The following SACM1L variants were observed in gnomAD, a reference collection of about 807,000 sequenced individuals.
SACM1L encodes the protein SAC1 like phosphatidylinositide phosphatase, also known as phosphatidylinositol-3-phosphatase SAC1.
A neutral mutation model predicts 89.5 loss-of-function variants in SACM1L; 32 were observed. That is an observed-to-expected ratio of 0.36 (90% CI 0.27 to 0.48). The LOEUF is 0.48. Ranked by LOEUF, SACM1L falls within the 20% of genes least tolerant of loss-of-function variation. SACM1L has a pLI of 0.99. For synonymous variants in SACM1L, 213 were observed against 232.8 expected (o/e 0.92, Z 0.77); for missense variants, 543 against 708.5 (o/e 0.77, Z 2.65).
In SACM1L at chr3:45,738,971, T is replaced by C. The variant is rs1411842495; in HGVS notation, c.1569+98T>C. 3 of 726,066 alleles carry C rather than the reference T, an allele frequency of 4.1e-6. No homozygotes were observed. In the South Asian group the frequency reaches 5.5e-5, roughly 13 times the overall value. 45.0% of individuals were successfully genotyped at this position (726,066 alleles called of 1,614,324 possible). A position where few individuals can be genotyped will look rare whatever the true frequency, so the allele number is the denominator to read the frequency against. On this transcript the variant is annotated intron_variant, in intron 18 of 19. Coordinates refer to ENST00000389061, the MANE Select transcript of SACM1L (RefSeq NM_014016.5). ...ATTTAAAACGTTATATGTGGTTTTA[T>C]ATTTCATTACATGAAATATAAATAC...
At chr3:45,701,109 C>G (rs1698256800) in intron 1 of SACM1L, among the ~76,000 whole-genome samples, 1 of 151,954 alleles carries the variant, frequency 6.6e-6, no homozygotes, top group Admixed American at 6.6e-5. Context: ...AGTGGAAAGA[C>G]TTTAAATTTT....
chr3:45,718,421 AC>A (rs1698715545), intron 7 of SACM1L, among the ~76,000 whole-genome samples: 1 of 152,190 alleles, frequency 6.6e-6, no homozygotes, highest in Non-Finnish European at 1.5e-5. Context: ...TAAGGGAGCC[AC>A]AGGGAAAGGT....
chr3:45,736,622 G>A (rs573200008), intron 14 of SACM1L, among the ~76,000 whole-genome samples: 2 of 152,308 alleles, frequency 1.3e-5, no homozygotes, highest in Middle Eastern at 6.8e-3. Flanking sequence ...TCTGTTGGAA[G>A]GTCTTCTAAG....
At chr3:45,707,107 TAAAGATTCAG>T in intron 4 of SACM1L, 200 bp downstream of exon 4, 1 of 419,422 alleles carries the variant, frequency 2.4e-6, no homozygotes, top group Non-Finnish European at 4.2e-6. Context: ...TTTTTTTTTT[TAAAGATTCAG>T]TTCTTAAATT....
At chr3:45,710,915 T>C (rs891890642) in intron 5 of SACM1L, among the ~76,000 whole-genome samples, 8 of 152,178 alleles carry the variant, frequency 5.3e-5, no homozygotes, top group African/African-American at 1.9e-4. Context: ...AAGCAGTTGC[T>C]ACATTCTCCA....
chr3:45,696,051 A>G (rs1330316370), intron 1 of SACM1L, among the ~76,000 whole-genome samples: 1 of 142,266 alleles, frequency 7.0e-6, no homozygotes, highest in Non-Finnish European at 1.5e-5. Context: ...ATGCTGGAGT[A>G]CAGTGGTGCG....
chr3:45,733,380 G>T (rs1344751593), intron 13 of SACM1L, among the ~76,000 whole-genome samples: 1 of 152,112 alleles, frequency 6.6e-6, no homozygotes, highest in African/African-American at 2.4e-5. Flanking sequence ...TCAGACTTCG[G>T]TTTCTTCATT....
In SACM1L at chr3:45,732,145, A is replaced by C; in HGVS notation, c.1094A>C (p.Glu365Ala). 1 of 1,588,034 alleles carries C rather than the reference A, an allele frequency of 6.3e-7. No homozygotes were observed. The highest frequency in any genetic ancestry group is 8.6e-7 in the Non-Finnish European group (1 of 1,162,500). Reference protein sequence around the residue: ...LLDQVAEMQDELSYFLVDSAG... With the variant: ...LLDQVAEMQDALSYFLVDSAG... ...GATCAGGTAGCAGAAATGCAAGATG[A>C]ATTAAGGTAAGCTATATTATTTCCT... Residue 365 changes from glutamate to alanine, a missense_variant, in exon 13 of 20, where the codon GAA becomes GCA. Glu to Ala is a moderately radical substitution (Grantham distance 107). Around this residue, in one of 2 missense-constraint regions of SACM1L, gnomAD observed 370 missense variants for 527.6 expected, o/e 0.70. Coordinates refer to ENST00000389061, the MANE Select transcript of SACM1L (RefSeq NM_014016.5).
intron 7 of SACM1L, among the ~76,000 whole-genome samples, chr3:45,715,016 T>A (rs1018484187): frequency 1.3e-5 from 2 of 152,256 alleles, no homozygotes; most frequent in African/African-American, 4.8e-5. Flanking sequence ...GTGTTACAGT[T>A]GCCTACAGTA....
intron 8 of SACM1L, 83 bp downstream of exon 8, chr3:45,719,684 T>C (rs1421055531): frequency 1.3e-5 from 10 of 742,976 alleles, no homozygotes; most frequent in Non-Finnish European, 2.2e-5. Flanking sequence ...TGTATTTTAT[T>C]TGTTTTCATT....
intron 14 of SACM1L, among the ~76,000 whole-genome samples, chr3:45,736,887 C>G (rs544137210): frequency 3.3e-5 from 5 of 152,068 alleles, no homozygotes; most frequent in Non-Finnish European, 7.4e-5. Context: ...TAAAGGTCAC[C>G]AAGGTGGCTC....
At chr3:45,701,897 C>T (rs892503276) in intron 1 of SACM1L, among the ~76,000 whole-genome samples, 7 of 152,072 alleles carry the variant, frequency 4.6e-5, no homozygotes, top group African/African-American at 1.4e-4. Context: ...TTCCTAGAAC[C>T]GTTCCTTTAT....
At chr3:45,720,510 A>T (rs1308620372) in intron 8 of SACM1L, among the ~76,000 whole-genome samples, 1 of 152,144 alleles carries the variant, frequency 6.6e-6, no homozygotes, top group African/African-American at 2.4e-5. Flanking sequence ...TAATACAGAT[A>T]TGTGCCCTTC....
At chr3:45,698,473 A>G (rs1294946775) in intron 1 of SACM1L, among the ~76,000 whole-genome samples, 1 of 152,240 alleles carries the variant, frequency 6.6e-6, no homozygotes, top group Non-Finnish European at 1.5e-5. Context: ...GAGAGAGAAG[A>G]TCAAGCAAAG....
intron 19 of SACM1L, chr3:45,739,883 A>C: frequency 1.8e-6 from 1 of 567,998 alleles, no homozygotes; most frequent in Non-Finnish European, 3.1e-6. Context: ...TATTACTGTA[A>C]ACCAATGAGT....
At position 45,734,113 on chromosome 3, in the gene SACM1L, A is replaced by ATTTTTT. The variant is rs377501431; in HGVS notation, c.1101-1110_1101-1105dup. On this transcript the variant is annotated intron_variant, in intron 13 of 19. Coordinates refer to ENST00000389061, the MANE Select transcript of SACM1L (RefSeq NM_014016.5). Reference sequence around the variant, plus strand: ...ATTTGCATGTATTACCCATTTAAGAATTTTTTTTTTTTTTTTTGGCTGGGG... The same window carrying ATTTTTT: ...ATTTGCATGTATTACCCATTTAAGAATTTTTTTTTTTTTTTTTTTTTTTGGCTGGGG... Among the ~76,000 whole-genome samples, 32 of 132,082 alleles carry ATTTTTT rather than the reference A, an allele frequency of 2.4e-4. 2 individuals are homozygous for ATTTTTT. The highest frequency in any genetic ancestry group is 4.6e-4 in the South Asian group (2 of 4,324). 86.7% of individuals were successfully genotyped at this position (132,082 alleles called of 152,430 possible).
intron 1 of SACM1L, among the ~76,000 whole-genome samples, chr3:45,701,379 A>G (rs1698261953): frequency 6.6e-6 from 1 of 152,206 alleles, no homozygotes; most frequent in Non-Finnish European, 1.5e-5. Flanking sequence ...GAATGTATTC[A>G]TCACCTGCCG....
chr3:45,707,123 A>G, intron 4 of SACM1L: 1 of 389,130 alleles, frequency 2.6e-6, no homozygotes, highest in Non-Finnish European at 4.6e-6. Flanking sequence ...TTCAGTTCTT[A>G]AATTATGCAA....
intron 7 of SACM1L, 21 bp from the exon 8 acceptor site, chr3:45,719,479 A>G: frequency 7.5e-7 from 1 of 1,332,438 alleles, no homozygotes; most frequent in Non-Finnish European, 1.1e-6. Context: ...TATATGTTAT[A>G]TTTTTCTTAA....
Sources: gnomAD v4.1 joint callset for allele counts (sites outside exome capture counted in the v4.1 genomes callset) on GRCh38, gnomAD v4.1.1 for gene constraint, gnomAD v4.1.1 regional missense constraint, MANE v1.5 for transcripts, NCBI Gene and HGNC (gene_info 2026-07-23, HGNC 2026-07-21) for gene names.